The following SYT11 variants were observed in gnomAD, a reference collection of about 807,000 sequenced individuals.
SYT11 encodes synaptotagmin-11.
A neutral mutation model predicts 30.4 loss-of-function variants in SYT11; 12 were observed. The ratio of observed to expected loss-of-function variants is 0.39; its 90% confidence interval spans 0.25 to 0.64. SYT11 has a LOEUF of 0.64. Among genes scored for constraint, SYT11 ranks in the 30% least tolerant of loss-of-function variants. The pLI, the probability that SYT11 is intolerant of heterozygous loss-of-function variation, is 0.45. For synonymous variants in SYT11, 204 were observed against 216.0 expected, an observed-to-expected ratio of 0.94 and a Z score of 0.49; for missense variants, 412 against 552.0, an observed-to-expected ratio of 0.75 and a Z score of 2.54.
At chr1:155,861,152 A>G (rs571048648) in intron 1 of SYT11, among the ~76,000 whole-genome samples, 5 of 152,336 alleles carry the variant, frequency 3.3e-5, no homozygotes, top group South Asian at 4.1e-4. Flanking sequence ...AGATGTGTTC[A>G]GATAACTGAT....
chr1:155,868,026 G>A lies in SYT11; in HGVS notation c.96G>A (p.Val32=), dbSNP rs1672709867. The A allele has an allele frequency of 1.2e-5, 19 of 1,613,444 alleles. No individual in the cohort carries two copies. Among genetic ancestry groups the A allele is most frequent in the Non-Finnish European group, 1.5e-5 (18 of 1,179,874 alleles). ...CTGTGCTGGTGGTGTGTGTCTCGGT[G>A]ACCGTCTTTGTCTGGTCATGCTGCC... ...GASVLVVCVS[V]TVFVWSCCHQ... The change falls in exon 2 of 4, where the codon GTG becomes GTA. Residue 32 remains valine, a synonymous_variant. Coordinates refer to ENST00000368324, the MANE Select transcript of SYT11 (RefSeq NM_152280.5). The surrounding 1 kb of genome is among the most constrained non-coding windows in gnomAD (Gnocchi z 4.7).
rs547165503 is a variant in SYT11 at position 155,881,774 on chromosome 1, G to T, written c.*266G>T. On this transcript the variant is annotated 3_prime_UTR_variant, in exon 4 of 4. Coordinates refer to ENST00000368324, the MANE Select transcript of SYT11 (RefSeq NM_152280.5). ...GTGGAGTTTCGCTCTTGTTGCCCGGGCTGGAGTGCAATGGTGAGATCTCAA... is the reference window on the plus strand; with the variant it reads ...GTGGAGTTTCGCTCTTGTTGCCCGGTCTGGAGTGCAATGGTGAGATCTCAA... 1.1e-5 allele frequency: 3 copies of T among 269,990 alleles called. No individual in the cohort carries two copies. The South Asian group carries it at 2.1e-4, about 19-fold the overall frequency. The allele number at this position is 269,990 out of a possible 1,614,324, so 16.7% of individuals were successfully genotyped here.
rs3820594 is a variant in SYT11 at position 155,859,720 on chromosome 1, C to A, written c.-42C>A. On this transcript the variant is annotated 5_prime_UTR_variant, in exon 1 of 4. Transcript: ENST00000368324. Reference sequence around the variant, plus strand: ...TGACCGAGGGTTCCCAGAGCTGTCTCACCATTGCAAAAACGTTATAGCAAC... The same window carrying A: ...TGACCGAGGGTTCCCAGAGCTGTCTAACCATTGCAAAAACGTTATAGCAAC... 1.9e-6 allele frequency: 3 copies of A among 1,606,856 alleles called. No homozygotes were observed.
Position 155,884,723 on chromosome 1 carries a change from G to A in SYT11, c.*3215G>A, listed in dbSNP as rs1259432680. Reference sequence around the variant, plus strand: ...TCTGAAGAGATCTTGATTCCTTTGGGAAGACAAGAATTTTTCTTAATAACA... The same window carrying A: ...TCTGAAGAGATCTTGATTCCTTTGGAAAGACAAGAATTTTTCTTAATAACA... On this transcript the variant is annotated 3_prime_UTR_variant, in exon 4 of 4. Transcript: ENST00000368324. 1.3e-5 allele frequency: 2 copies of A among 152,768 alleles called. No homozygotes were observed. Among genetic ancestry groups the A allele is most frequent in the Non-Finnish European group, 2.9e-5 (2 of 68,038 alleles). The allele number at this position is 152,768 out of a possible 1,614,324, so 9.5% of individuals were successfully genotyped here. A position where few individuals can be genotyped will look rare whatever the true frequency, so the allele number is the denominator to read the frequency against.
chr1:155,880,317 G>A lies in SYT11; in HGVS notation c.862-183G>A, dbSNP rs557866336. Among the ~76,000 whole-genome samples, 3 of 152,288 alleles carry A rather than the reference G, an allele frequency of 2.0e-5. No individual in the cohort carries two copies. In the South Asian group the frequency reaches 6.2e-4, roughly 32 times the overall value. ...TTAATATCAGAATTATGGTTATAATGTTTCCTTTCTCCCTCCTTGTTAAAT... is the reference window on the plus strand; with the variant it reads ...TTAATATCAGAATTATGGTTATAATATTTCCTTTCTCCCTCCTTGTTAAAT... On this transcript the variant is annotated intron_variant, in intron 2 of 3. Coordinates refer to ENST00000368324, the MANE Select transcript of SYT11 (RefSeq NM_152280.5).
In SYT11 at chr1:155,881,595, C is replaced by T. The variant is rs2102568571; in HGVS notation, c.*87C>T. ...AGATGACAGAGAAGTGGACTCCAAA[C>T]CTCATTTTAGTTGTAGAAGAAAATT... On this transcript the variant is annotated 3_prime_UTR_variant, in exon 4 of 4. Transcript: ENST00000368324. 5 of 1,310,052 alleles carry T rather than the reference C, an allele frequency of 3.8e-6. No homozygotes were observed. Among genetic ancestry groups the T allele is most frequent in the Non-Finnish European group, 5.2e-6 (5 of 961,272 alleles). 81.2% of individuals were successfully genotyped at this position (1,310,052 alleles called of 1,614,324 possible). A position where few individuals can be genotyped will look rare whatever the true frequency, so the allele number is the denominator to read the frequency against.
At position 155,872,804 on chromosome 1, in the gene SYT11, T is replaced by C. The variant is rs146032141; in HGVS notation, c.861+4013T>C. 6.6e-5 allele frequency among the ~76,000 whole-genome samples: 10 copies of C among 152,226 alleles called. No homozygotes were observed. In the East Asian group the frequency reaches 1.9e-3, roughly 29 times the overall value. On this transcript the variant is annotated intron_variant, in intron 2 of 3. Transcript: ENST00000368324. The stretch of plus-strand genomic sequence containing the variant: ...GCCTTCAATGCAGAATGGAGTGGCA[T>C]TCAGGTGGTGTTGTGGCTACAGACT...
chr1:155,861,197 C>T (rs1672581909), intron 1 of SYT11, among the ~76,000 whole-genome samples: 1 of 152,192 alleles, frequency 6.6e-6, no homozygotes, highest in South Asian at 2.1e-4. Flanking sequence ...CTCACTTATT[C>T]CACAAGGCTA....
At chr1:155,878,216 C>T (rs1431674457) in intron 2 of SYT11, among the ~76,000 whole-genome samples, 1 of 152,160 alleles carries the variant, frequency 6.6e-6, no homozygotes, top group Non-Finnish European at 1.5e-5. Context: ...GTCCTTCAGC[C>T]TGGGCAACAG....
chr1:155,877,524 C>CT, intron 2 of SYT11, among the ~76,000 whole-genome samples: 1 of 143,146 alleles, frequency 7.0e-6, no homozygotes, highest in Non-Finnish European at 1.5e-5. Context: ...GTAGCTGGCT[C>CT]TATAGGCACA....
At chr1:155,859,851 G>A (rs1032250099) in intron 1 of SYT11, 56 bp downstream of exon 1, 30 of 1,545,456 alleles carry the variant, frequency 1.9e-5, no homozygotes, top group Middle Eastern at 1.7e-4. Context: ...GCAAGGCCAA[G>A]GGGGCCCAGC....
At chr1:155,863,616 T>C (rs114800548) in intron 1 of SYT11, among the ~76,000 whole-genome samples, 3,395 of 152,018 alleles carry the variant, frequency 0.022, 49 homozygotes, top group Admixed American at 0.034. Flanking sequence ...TGAAGACTCA[T>C]CTCTAAAAAA....
chr1:155,874,371 G>A (rs879564551), intron 2 of SYT11, among the ~76,000 whole-genome samples: 5 of 151,560 alleles, frequency 3.3e-5, no homozygotes, highest in Admixed American at 1.3e-4. Flanking sequence ...AGGCTGAGAC[G>A]GATAGATCAC....
rs774553990 is a variant in SYT11 at position 155,881,763 on chromosome 1, T to C, written c.*255T>C. 53 of 293,126 alleles carry C rather than the reference T, an allele frequency of 1.8e-4. No homozygotes were observed. The highest frequency in any genetic ancestry group is 2.7e-4 in the Non-Finnish European group (43 of 157,974). 18.2% of individuals were successfully genotyped at this position (293,126 alleles called of 1,614,324 possible). ...TTTTTTTTGAGGTGGAGTTTCGCTC[T>C]TGTTGCCCGGGCTGGAGTGCAATGG... On this transcript the variant is annotated 3_prime_UTR_variant, in exon 4 of 4. Transcript: ENST00000368324.
At chr1:155,870,680 T>G (rs1672766854) in intron 2 of SYT11, among the ~76,000 whole-genome samples, 1 of 152,182 alleles carries the variant, frequency 6.6e-6, no homozygotes, top group Admixed American at 6.5e-5. Flanking sequence ...GTGCAGAGTG[T>G]GCAGTGAGTA....
In SYT11 at chr1:155,883,554, A is replaced by G. The variant is rs894548341; in HGVS notation, c.*2046A>G. 2.0e-5 allele frequency: 3 copies of G among 152,150 alleles called. No homozygotes were observed. The highest frequency in any genetic ancestry group is 7.2e-5 in the African/African-American group (3 of 41,422). The allele number at this position is 152,150 out of a possible 1,614,324, so 9.4% of individuals were successfully genotyped here. A position where few individuals can be genotyped will look rare whatever the true frequency, so the allele number is the denominator to read the frequency against. ...GTCTCAAAAATTAATTAATTAATTA[A>G]TTAAAATAAACTAGGTAAACTTGGA... On this transcript the variant is annotated 3_prime_UTR_variant, in exon 4 of 4. Transcript: ENST00000368324.
At chr1:155,869,652 A>G (rs1046612247) in intron 2 of SYT11, among the ~76,000 whole-genome samples, 3 of 152,090 alleles carry the variant, frequency 2.0e-5, no homozygotes, top group Non-Finnish European at 2.9e-5. Context: ...AACCTTTGCC[A>G]TAGACACTTC....
At chr1:155,871,735 G>A (rs901602774) in intron 2 of SYT11, among the ~76,000 whole-genome samples, 1 of 152,182 alleles carries the variant, frequency 6.6e-6, no homozygotes, top group African/African-American at 2.4e-5. Flanking sequence ...GTTACCCAGA[G>A]CCTGTGCAGC....
chr1:155,872,434 A>G (rs1672794164), intron 2 of SYT11, among the ~76,000 whole-genome samples: 1 of 152,204 alleles, frequency 6.6e-6, no homozygotes. Context: ...TCTGCTAATT[A>G]TAGGAAAACA....
Sources: gnomAD v4.1 joint callset for allele counts (sites outside exome capture counted in the v4.1 genomes callset) on GRCh38, gnomAD v4.1.1 for gene constraint, Gnocchi (gnomAD v3.1) non-coding constraint, MANE v1.5 for transcripts, NCBI Gene and HGNC (gene_info 2026-07-23, HGNC 2026-07-21) for gene names.